MYO16: variants seen among roughly 807,000 people sequenced by gnomAD.
The protein encoded by MYO16 is myosin XVI, also known as unconventional myosin-XVI.
MYO16 carries 94 observed loss-of-function variants against 205.3 expected under a neutral mutation model. The ratio of observed to expected loss-of-function variants is 0.46; its 90% CI spans 0.39 to 0.54. The LOEUF is 0.54. Among genes scored for constraint, MYO16 ranks in the 20% least tolerant of loss-of-function variants. The probability of loss-of-function intolerance (pLI) is 0.00; values close to 1 mark genes in which losing one functional copy is unlikely to be tolerated. For synonymous variants in MYO16, 988 were observed against 954.0 expected, an observed-to-expected ratio of 1.04 and a Z score of -0.66; for missense variants, 2,315 against 2,387.5, an observed-to-expected ratio of 0.97 and a Z score of 0.63.
chr13:108,540,797 C>T, the MYO16 span, among the ~76,000 whole-genome samples: 1 of 152,066 alleles, frequency 6.6e-6, no homozygotes, highest in South Asian at 2.1e-4. Flanking sequence ...TTAGTTGGAT[C>T]AGAAGTGCAA....
At chr13:108,831,463 A>G (rs1408141664) in intron 9 of MYO16, among the ~76,000 whole-genome samples, 1 of 152,206 alleles carries the variant, frequency 6.6e-6, no homozygotes. Flanking sequence ...TTCTTGGTAC[A>G]GAAGTGTGTG....
chr13:108,815,458 G>A (rs1388747107), intron 7 of MYO16, among the ~76,000 whole-genome samples: 1 of 152,138 alleles, frequency 6.6e-6, no homozygotes, highest in Non-Finnish European at 1.5e-5. Flanking sequence ...TGGAAAAATG[G>A]TCAGAGACAT....
intron 11 of MYO16, among the ~76,000 whole-genome samples, chr13:108,859,708 C>G (rs550634624): frequency 6.6e-6 from 1 of 152,138 alleles, no homozygotes; most frequent in South Asian, 2.1e-4. Context: ...TGCCAGCAGC[C>G]CCAGAGAGAA....
At chr13:109,027,821 A>G (rs1755755872) in intron 23 of MYO16, among the ~76,000 whole-genome samples, 1 of 152,198 alleles carries the variant, frequency 6.6e-6, no homozygotes, top group Non-Finnish European at 1.5e-5. Context: ...GGAATACAAC[A>G]GTACTTCGTA....
chr13:108,560,046 T>A, the MYO16 span, among the ~76,000 whole-genome samples: 1 of 152,232 alleles, frequency 6.6e-6, no homozygotes, highest in Non-Finnish European at 1.5e-5. Context: ...TGTTCTTTTC[T>A]TTAGGGCTTT....
intron 4 of MYO16, among the ~76,000 whole-genome samples, chr13:108,776,023 C>T (rs567193129): frequency 4.6e-5 from 7 of 152,244 alleles, no homozygotes; most frequent in East Asian, 1.9e-4. Context: ...TTGTTATAAC[C>T]TGAGAAACAG....
At position 109,019,776 on chromosome 13, in the gene MYO16, T is replaced by C. The variant is rs149633425; in HGVS notation, c.2661T>C (p.Asn887=). ...AAATGATTTGGTCAGTGGAATCAAA[T>C]TTTCCAAAAAAACTACAAAGTCTCC... The part of the protein sequence containing the change: ...ESQMIWSVES[N]FPKKLQSLLE... Residue 887 remains asparagine (N), a synonymous_variant, in exon 23 of 35, where the codon AAT becomes AAC. Coordinates refer to ENST00000457511, the MANE Select transcript of MYO16 (RefSeq NM_001198950.3). 1.2e-4 allele frequency: 201 copies of C among 1,613,974 alleles called. 1 individual carries two copies. Among genetic ancestry groups the C allele is most frequent in the Middle Eastern group, 4.9e-4 (3 of 6,084 alleles).
chr13:108,562,742 C>G, the MYO16 span, among the ~76,000 whole-genome samples: 6 of 152,206 alleles, frequency 3.9e-5, no homozygotes, highest in Non-Finnish European at 8.8e-5. Context: ...CATTGTGTTA[C>G]AGTTGCCTAA....
intron 28 of MYO16, among the ~76,000 whole-genome samples, chr13:109,111,823 A>G (rs112868296): frequency 6.6e-6 from 1 of 151,926 alleles, no homozygotes; most frequent in East Asian, 1.9e-4. Context: ...AGTAGCTGGG[A>G]CTACAGGCAC....
intron 15 of MYO16, 109 bp downstream of exon 15, chr13:108,898,242 A>G: frequency 1.2e-6 from 1 of 837,254 alleles, no homozygotes; most frequent in Non-Finnish European, 2.0e-6. Flanking sequence ...GCTGGGAGAG[A>G]AAACCTATTC....
the MYO16 span, among the ~76,000 whole-genome samples, chr13:108,515,851 G>A: frequency 3.3e-5 from 1 of 30,374 alleles, no homozygotes; most frequent in Non-Finnish European, 6.9e-5. Context: ...CTCCAGCTGC[G>A]TGCTGGGAGA....
upstream of MYO16, among the ~76,000 whole-genome samples, chr13:108,593,160 G>T (rs899136175): frequency 6.6e-6 from 1 of 152,066 alleles, no homozygotes; most frequent in African/African-American, 2.4e-5. Flanking sequence ...GTGAAGCGGG[G>T]GTGAATATCA....
At chr13:109,016,106 A>G (rs1411917382) in intron 22 of MYO16, among the ~76,000 whole-genome samples, 3 of 152,170 alleles carry the variant, frequency 2.0e-5, no homozygotes, top group East Asian at 3.8e-4. Context: ...ATTTATTGCT[A>G]TAAATTTCCC....
chr13:109,181,108 C>G lies in MYO16; in HGVS notation c.5415+1475C>G, dbSNP rs148838696. On this transcript the variant is annotated intron_variant, in intron 34 of 34. Transcript: ENST00000457511. ...AGTAGGGTGCTTTGTGACTTTTCCT[C>G]TGTGTTTGGCTAAGAATCAAAGAGA... is the stretch of plus-strand genomic sequence containing the variant. Among the ~76,000 whole-genome samples, 4 of 152,348 alleles carry G rather than the reference C, an allele frequency of 2.6e-5. No homozygotes were observed. The East Asian group carries it at 7.7e-4, about 29-fold the overall frequency.
chr13:108,987,709 G>C (rs1884688432), intron 20 of MYO16, among the ~76,000 whole-genome samples: 1 of 152,136 alleles, frequency 6.6e-6, no homozygotes, highest in African/African-American at 2.4e-5. Flanking sequence ...TCAGTCTAAG[G>C]GTTTTTGTGC....
chr13:108,545,364 A>G, the MYO16 span, among the ~76,000 whole-genome samples: 1 of 152,314 alleles, frequency 6.6e-6, no homozygotes, highest in East Asian at 1.9e-4. Flanking sequence ...ATAGTATTCC[A>G]TGGTGTATAT....
At chr13:108,730,179 T>C (rs1884475861) in intron 4 of MYO16, among the ~76,000 whole-genome samples, 1 of 152,092 alleles carries the variant, frequency 6.6e-6, no homozygotes, top group African/African-American at 2.4e-5. Context: ...ATCATAGGCG[T>C]GGTTTCCCCC....
intron 16 of MYO16, among the ~76,000 whole-genome samples, chr13:108,924,227 A>C (rs1255907566): frequency 1.3e-5 from 2 of 152,246 alleles, no homozygotes; most frequent in Non-Finnish European, 2.9e-5. Flanking sequence ...TATTGTAGCC[A>C]TGTAAATAGT....
upstream of MYO16, among the ~76,000 whole-genome samples, chr13:108,624,819 G>T (rs1424194061): frequency 6.6e-6 from 1 of 150,962 alleles, no homozygotes; most frequent in Non-Finnish European, 1.5e-5. Context: ...GTGTGTGTGT[G>T]TGTGTGTATC....
Sources: allele counts gnomAD v4.1 joint callset (sites outside exome capture counted in the v4.1 genomes callset), GRCh38; gene constraint gnomAD v4.1.1; transcripts MANE v1.5; gene names NCBI Gene and HGNC (gene_info 2026-07-23, HGNC 2026-07-21).